CFAP54: variants seen among roughly 807,000 people sequenced by gnomAD.
The protein encoded by CFAP54 is cilia- and flagella-associated protein 54.
CFAP54 carries 290 observed loss-of-function variants against 370.4 expected under a neutral mutation model. The ratio of observed to expected loss-of-function variants is 0.78; its 90% confidence interval spans 0.71 to 0.86. The LOEUF (loss-of-function observed/expected upper bound fraction) is 0.86, where lower values mean the gene tolerates loss of function less well. Ranked by LOEUF, CFAP54 falls within the 40% of genes least tolerant of loss-of-function variation. The probability of loss-of-function intolerance (pLI) is 0.00; values close to 1 mark genes in which losing one functional copy is unlikely to be tolerated. For synonymous variants in CFAP54, 1,206 were observed against 1,236.5 expected, an observed-to-expected ratio of 0.98 and a Z score of 0.52; for missense variants, 3,399 against 3,528.7, an observed-to-expected ratio of 0.96 and a Z score of 0.93.
At chr12:96,561,189 G>A (rs1291687264) in intron 17 of CFAP54, among the ~76,000 whole-genome samples, 1 of 152,158 alleles carries the variant, frequency 6.6e-6, no homozygotes, top group African/African-American at 2.4e-5. Flanking sequence ...TGTTGTGGGA[G>A]CAACCCGGTT....
intron 51 of CFAP54, among the ~76,000 whole-genome samples, chr12:96,741,533 A>T (rs142853789): frequency 5.1e-4 from 77 of 152,144 alleles, no homozygotes; most frequent in African/African-American, 1.8e-3. Flanking sequence ...CCTGCATTTG[A>T]GCCCCTTTAG....
At chr12:96,491,381 G>GGA (rs1332465142) in intron 1 of CFAP54, among the ~76,000 whole-genome samples, 3 of 152,170 alleles carry the variant, frequency 2.0e-5, no homozygotes, top group African/African-American at 7.2e-5. Context: ...GCATCCAGGT[G>GGA]GAGCTACTAT....
intron 26 of CFAP54, among the ~76,000 whole-genome samples, chr12:96,618,028 C>T (rs938005018): frequency 6.0e-5 from 9 of 150,556 alleles, no homozygotes; most frequent in East Asian, 2.0e-4. Flanking sequence ...TGGCCTACTC[C>T]GACCCCCAAA....
rs189395681 is a variant in CFAP54, at chr12:96,644,291, A to T, written c.4430A>T (p.Glu1477Val). 3.9e-5 allele frequency: 60 copies of T among 1,535,838 alleles called. No individual in the cohort carries two copies. The highest frequency in any genetic ancestry group is 2.4e-4 in the Admixed American group (12 of 50,988). Reference protein sequence around the residue: ...RKRFHRLSLEEMPWRAQMNLY... With the variant: ...RKRFHRLSLEVMPWRAQMNLY... ...AGGTTCCATCGTCTATCACTTGAAG[A>T]GATGCCCTGGAGAGCTCAGATGAAC... The change falls in exon 33 of 68, where the codon GAG (glutamate) becomes GTG (valine). Residue 1477 changes from glutamate to valine, a missense_variant. Glu to Val is a moderately radical substitution (Grantham distance 121). This residue lies in a region of CFAP54 where 2,796 missense variants were observed against 2,869.7 expected (regional missense o/e 0.97). Transcript: ENST00000524981.
At chr12:96,679,452 G>T in intron 39 of CFAP54, 148 bp from the exon 40 acceptor site, 3 of 646,148 alleles carry the variant, frequency 4.6e-6, no homozygotes, top group East Asian at 3.3e-5. Flanking sequence ...TGATCTGAAT[G>T]TTGAAACACC....
At chr12:96,823,509 A>G (rs1235219550) in intron 65 of CFAP54, among the ~76,000 whole-genome samples, 1 of 152,222 alleles carries the variant, frequency 6.6e-6, no homozygotes, top group Non-Finnish European at 1.5e-5. Context: ...CATATTCAGG[A>G]AACAATAAGA....
At chr12:96,516,062 C>T (rs1377828963) in intron 5 of CFAP54, among the ~76,000 whole-genome samples, 6 of 151,886 alleles carry the variant, frequency 4.0e-5, no homozygotes. Flanking sequence ...ACTACAGGCA[C>T]CCGCCCCAAT....
At chr12:96,632,500 T>C (rs1362046467) in intron 32 of CFAP54, among the ~76,000 whole-genome samples, 1 of 152,044 alleles carries the variant, frequency 6.6e-6, no homozygotes, top group African/African-American at 2.4e-5. Flanking sequence ...GCACAATTTA[T>C]TGAGTAATCT....
intron 50 of CFAP54, among the ~76,000 whole-genome samples, chr12:96,732,939 GCT>G (rs1381222519): frequency 6.6e-6 from 1 of 151,956 alleles, no homozygotes; most frequent in Non-Finnish European, 1.5e-5. Flanking sequence ...TCTTTCCCCA[GCT>G]CTCTGTGTAT....
At chr12:96,546,408 T>A (rs1297443105) in intron 14 of CFAP54, among the ~76,000 whole-genome samples, 1 of 151,842 alleles carries the variant, frequency 6.6e-6, no homozygotes, top group East Asian at 1.9e-4. Context: ...TGTATTTGTT[T>A]GTTTGTTTGT....
chr12:96,582,871 C>T (rs1295236608), intron 22 of CFAP54, among the ~76,000 whole-genome samples: 1 of 152,182 alleles, frequency 6.6e-6, no homozygotes, highest in Admixed American at 6.5e-5. Flanking sequence ...AAAGCTTTCT[C>T]ACTTATTAAA....
intron 34 of CFAP54, 130 bp from the exon 35 acceptor site, chr12:96,649,761 T>A: frequency 1.7e-6 from 1 of 596,922 alleles, no homozygotes. Context: ...TCTCTGATAG[T>A]CTTGTCCTTT....
At chr12:96,674,645 A>G (rs1957183971) in intron 39 of CFAP54, among the ~76,000 whole-genome samples, 1 of 152,230 alleles carries the variant, frequency 6.6e-6, no homozygotes, top group African/African-American at 2.4e-5. Flanking sequence ...TTTAGGAAGA[A>G]CACAAAGAGG....
chr12:96,708,546 T>C, intron 47 of CFAP54, 62 bp from the exon 48 acceptor site: 3 of 1,405,552 alleles, frequency 2.1e-6, no homozygotes, highest in Admixed American at 2.2e-5. Flanking sequence ...AAAGAATGAA[T>C]ATAATAATAT....
intron 50 of CFAP54, among the ~76,000 whole-genome samples, chr12:96,724,144 A>T (rs1957798216): frequency 6.6e-6 from 1 of 150,688 alleles, no homozygotes; most frequent in Admixed American, 6.6e-5. Flanking sequence ...ATACATGTGC[A>T]TGTGTCTTTA....
intron 48 of CFAP54, among the ~76,000 whole-genome samples, chr12:96,716,380 T>C (rs1208582549): frequency 6.6e-6 from 1 of 152,256 alleles, no homozygotes; most frequent in East Asian, 1.9e-4. Context: ...TGAAAGGATC[T>C]GCATTTTGAC....
chr12:96,709,083 C>T (rs7971273), intron 48 of CFAP54, among the ~76,000 whole-genome samples: 37,896 of 152,056 alleles, frequency 0.25, 4,947 homozygotes, highest in South Asian at 0.29. Context: ...ATGGTATATT[C>T]ACACTTTTCT....
intron 23 of CFAP54, 112 bp downstream of exon 23, chr12:96,589,675 A>G (rs1956106959): frequency 2.0e-6 from 1 of 512,446 alleles, no homozygotes; most frequent in Non-Finnish European, 3.0e-6. Context: ...ATATACAATC[A>G]TCATTTCTAA....
At chr12:96,598,807 G>A (rs1367781412) in intron 26 of CFAP54, 40 bp downstream of exon 26, 4 of 466,604 alleles carry the variant, frequency 8.6e-6, no homozygotes, top group African/African-American at 4.0e-5. Flanking sequence ...TAATATTTAG[G>A]AGCGATGATG....
Sources: gnomAD v4.1 joint callset for allele counts (sites outside exome capture counted in the v4.1 genomes callset) on GRCh38, gnomAD v4.1.1 for gene constraint, gnomAD v4.1.1 regional missense constraint, MANE v1.5 for transcripts, NCBI Gene and HGNC (gene_info 2026-07-23, HGNC 2026-07-21) for gene names.